The following RALGAPA2 variants were observed in gnomAD, a reference collection of about 807,000 sequenced individuals.
RALGAPA2 encodes the protein ral GTPase-activating protein subunit alpha-2.
In RALGAPA2, 139 loss-of-function variants were observed where a neutral mutation model predicts 230.4. That is an observed-to-expected ratio of 0.60 (90% CI 0.53 to 0.69). The LOEUF is 0.69. RALGAPA2 is among the 30% of genes least tolerant of loss of function. The pLI is 0.00. For missense variants in RALGAPA2, 2,163 were observed against 2,276.0 expected, an observed-to-expected ratio of 0.95 and a Z score of 1.01; for synonymous variants, 847 against 837.8, an observed-to-expected ratio of 1.01 and a Z score of -0.19.
rs534841420 is a variant in RALGAPA2, at chr20:20,461,102, A to G, written c.5495+11727T>C. Among the ~76,000 whole-genome samples the G allele has an allele frequency of 4.1e-4, 63 of 152,242 alleles. No homozygotes were observed. In the South Asian group the frequency reaches 9.8e-3, roughly 24 times the overall value. On this transcript the variant is annotated intron_variant, in intron 37 of 39. Coordinates refer to ENST00000202677, the MANE Select transcript of RALGAPA2 (RefSeq NM_020343.4). ...ATTATAGAGCATAAGTACAAAACCA[A>G]TCTGTTTCTTTTTATTCAAATAATT...
intron 27 of RALGAPA2, 148 bp downstream of exon 27, chr20:20,531,539 C>T: frequency 2.8e-6 from 2 of 713,312 alleles, no homozygotes; most frequent in Non-Finnish European, 4.7e-6. Flanking sequence ...CCGTTGGTGC[C>T]CCTCCCGGGA....
At chr20:20,465,425 C>T (rs994469978) in intron 37 of RALGAPA2, among the ~76,000 whole-genome samples, 4 of 152,042 alleles carry the variant, frequency 2.6e-5, no homozygotes, top group African/African-American at 9.7e-5. Context: ...GAGGAGACTC[C>T]CAGGTTAGGG....
At chr20:20,417,225 A>G (rs1026922099) in intron 37 of RALGAPA2, among the ~76,000 whole-genome samples, 8 of 152,234 alleles carry the variant, frequency 5.3e-5, no homozygotes, top group Admixed American at 6.5e-5. Flanking sequence ...GCTACCACGT[A>G]TGACCATCTT....
At chr20:20,588,132 G>A (rs1279069622) in intron 18 of RALGAPA2, among the ~76,000 whole-genome samples, 1 of 152,024 alleles carries the variant, frequency 6.6e-6, no homozygotes, top group Non-Finnish European at 1.5e-5. Context: ...AGCCATCATA[G>A]AGAAAACATT....
At chr20:20,404,051 C>T (rs959783633) in intron 38 of RALGAPA2, among the ~76,000 whole-genome samples, 5 of 152,282 alleles carry the variant, frequency 3.3e-5, no homozygotes, top group South Asian at 2.1e-4. Flanking sequence ...GTAGGTGGAA[C>T]GTGTCCTCTA....
At chr20:20,651,926 A>G (rs2067413296) in intron 4 of RALGAPA2, among the ~76,000 whole-genome samples, 1 of 152,190 alleles carries the variant, frequency 6.6e-6, no homozygotes, top group South Asian at 2.1e-4. Context: ...TATACCTTAC[A>G]TTTAAATTTT....
intron 10 of RALGAPA2, among the ~76,000 whole-genome samples, chr20:20,625,986 T>C (rs6046968): frequency 0.085 from 12,930 of 152,204 alleles, 805 homozygotes; most frequent in African/African-American, 0.16. Context: ...TTAGCCTCTG[T>C]CATGAGCCTC....
intron 30 of RALGAPA2, among the ~76,000 whole-genome samples, 171 bp downstream of exon 30, chr20:20,524,235 A>C (rs6132311): frequency 0.028 from 4,248 of 152,246 alleles, 126 homozygotes; most frequent in East Asian, 0.14. Context: ...GGATTACAGG[A>C]GTGAGCTACC....
intron 31 of RALGAPA2, among the ~76,000 whole-genome samples, chr20:20,518,280 C>T (rs1304776087): frequency 6.6e-6 from 1 of 152,194 alleles, no homozygotes; most frequent in African/African-American, 2.4e-5. Flanking sequence ...TGGTCTGGAT[C>T]TCCTGACCTC....
chr20:20,636,063 G>A (rs1211173165), intron 8 of RALGAPA2, among the ~76,000 whole-genome samples: 7 of 152,126 alleles, frequency 4.6e-5, no homozygotes, highest in Admixed American at 4.6e-4. Flanking sequence ...CTGAACTTTA[G>A]AGGTTTATAT....
chr20:20,701,502 G>T (rs902051548), intron 1 of RALGAPA2, among the ~76,000 whole-genome samples: 5 of 152,170 alleles, frequency 3.3e-5, no homozygotes, highest in African/African-American at 1.2e-4. Flanking sequence ...ACTTTGGGAG[G>T]CCAAGGCGGG....
At chr20:20,650,844 A>G (rs1436521493) in intron 4 of RALGAPA2, among the ~76,000 whole-genome samples, 1 of 152,240 alleles carries the variant, frequency 6.6e-6, no homozygotes, top group Middle Eastern at 3.2e-3. Context: ...AAATAATTCA[A>G]TAGGTACAGT....
At chr20:20,526,168 A>G in intron 28 of RALGAPA2, 84 bp downstream of exon 28, 1 of 1,070,150 alleles carries the variant, frequency 9.3e-7, no homozygotes, top group Non-Finnish European at 1.3e-6. Context: ...TCTAACAATT[A>G]TTTGAATATC....
chr20:20,619,173 A>T (rs974470964), intron 12 of RALGAPA2, 104 bp downstream of exon 12: 64 of 1,143,016 alleles, frequency 5.6e-5, no homozygotes, highest in Non-Finnish European at 6.7e-5. Context: ...GATGGCTACA[A>T]ATACCACCAT....
intron 31 of RALGAPA2, among the ~76,000 whole-genome samples, chr20:20,515,962 C>T (rs527769228): frequency 6.6e-5 from 10 of 152,134 alleles, no homozygotes; most frequent in Non-Finnish European, 1.3e-4. Context: ...CTGGGTTCTG[C>T]GTGCAGACTG....
In RALGAPA2 at chr20:20,629,505, C is replaced by T. The variant is rs556194705; in HGVS notation, c.1091G>A (p.Ser364Asn). The change falls in exon 10 of 40, where the codon AGC becomes AAC. Residue 364 changes from serine (S) to asparagine (N), a missense_variant. By Grantham distance (46) the Ser-to-Asn change is conservative. Coordinates refer to ENST00000202677, the MANE Select transcript of RALGAPA2 (RefSeq NM_020343.4). The stretch of plus-strand genomic sequence containing the variant: ...GAGTCTTCGGTCCGACAAGGTGCTG[C>T]TGTTAGAATGGCTTTTGTCCTGCTC... ...PTEQDKSHSN[S>N]STLSDRRLSN... 56 of 1,613,988 alleles carry T rather than the reference C, an allele frequency of 3.5e-5. 3 individuals are homozygous for T. In the Middle Eastern group the frequency reaches 9.9e-4, roughly 29 times the overall value.
At position 20,503,009 on chromosome 20, in the gene RALGAPA2, C is replaced by T. The variant is rs568698923; in HGVS notation, c.5208+342G>A. 3.9e-5 allele frequency among the ~76,000 whole-genome samples: 6 copies of T among 152,266 alleles called. No homozygotes were observed. The South Asian group carries it at 1.2e-3, about 32-fold the overall frequency. ...CAACAGTGGGGCGGCTGAGCAGCTG[C>T]ACACCTGCACTTATGTTGACAGATG... On this transcript the variant is annotated intron_variant, in intron 35 of 39. Transcript: ENST00000202677.
chr20:20,639,263 G>T (rs935375960), intron 7 of RALGAPA2, among the ~76,000 whole-genome samples: 4 of 152,176 alleles, frequency 2.6e-5, no homozygotes. Context: ...TGAGAAAAAA[G>T]AATCAGTACA....
chr20:20,507,993 G>A (rs1466974783), intron 33 of RALGAPA2, among the ~76,000 whole-genome samples: 1 of 152,088 alleles, frequency 6.6e-6, no homozygotes, highest in Non-Finnish European at 1.5e-5. Context: ...ACAGCCTCAG[G>A]TTTATCTACA....
Sources: allele counts gnomAD v4.1 joint callset (sites outside exome capture counted in the v4.1 genomes callset), GRCh38; gene constraint gnomAD v4.1.1; transcripts MANE v1.5; gene names NCBI Gene and HGNC (gene_info 2026-07-23, HGNC 2026-07-21).